Variants in FBXO31 observed in about 807,000 individuals in gnomAD.
FBXO31 encodes the protein F-box only protein 31.
A neutral mutation model predicts 54.4 loss-of-function variants in FBXO31; 24 were observed. The observed-to-expected ratio is 0.44, with a 90% CI of 0.32 to 0.62. The LOEUF is 0.62. Among genes scored for constraint, FBXO31 ranks in the 20% least tolerant of loss-of-function variants. The pLI is 0.05. For missense variants in FBXO31, 665 were observed against 787.1 expected (o/e 0.84, Z 1.86); for synonymous variants, 388 against 335.6 (o/e 1.16, Z -1.71).
chr16:87,389,507 AT>A (rs1333595806), intron 1 of FBXO31: 2 of 152,212 alleles, frequency 1.3e-5, no homozygotes, highest in African/African-American at 4.8e-5. Context: ...CCATCTCCAT[AT>A]GCCAGATATC....
At chr16:87,352,110 T>C (rs1905688548) in intron 2 of FBXO31, among the ~76,000 whole-genome samples, 1 of 152,130 alleles carries the variant, frequency 6.6e-6, no homozygotes, top group South Asian at 2.1e-4. Flanking sequence ...AGCAGCTCAG[T>C]GCAATTTAAT....
rs781766690 is a variant in FBXO31, at chr16:87,335,824, G to A, written c.842+331C>T. On this transcript the variant is annotated intron_variant, in intron 6 of 8. Transcript: ENST00000311635. The surrounding 1 kb of genome is among the most constrained non-coding windows in gnomAD (Gnocchi z 5.7). Reference sequence around the variant, plus strand: ...AGCGGGGCTGAGCTCTAGAGTGCCAGTGTTGGCAGGGGTGACAGGAAATCA... The same window carrying A: ...AGCGGGGCTGAGCTCTAGAGTGCCAATGTTGGCAGGGGTGACAGGAAATCA... 6.6e-6 allele frequency among the ~76,000 whole-genome samples: 1 copy of A among 152,190 alleles called. No homozygotes were observed. Among genetic ancestry groups the A allele is most frequent in the Non-Finnish European group, 1.5e-5 (1 of 68,014 alleles).
intron 1 of FBXO31, among the ~76,000 whole-genome samples, chr16:87,376,666 G>T (rs890882293): frequency 1.3e-5 from 2 of 152,186 alleles, no homozygotes; most frequent in Non-Finnish European, 2.9e-5. Flanking sequence ...GGTAAACACA[G>T]AAATCAGCCT....
In FBXO31 at chr16:87,327,706, AT is replaced by A. The variant is rs1437493395; in HGVS notation, c.*3581del. The A allele has an allele frequency of 1.3e-5, 2 of 152,432 alleles. No homozygotes were observed. The highest frequency in any genetic ancestry group is 3.9e-4 in the East Asian group (2 of 5,178). The allele number at this position is 152,432 out of a possible 1,614,324, so 9.4% of individuals were successfully genotyped here. ...CGCATGGAGACTATCTGCTGCTTGC[AT>A]CTTCTCTAAATAATTACGGGGATGA... is the stretch of plus-strand genomic sequence containing the variant. On this transcript the variant is annotated 3_prime_UTR_variant, in exon 9 of 9. Transcript: ENST00000311635.
chr16:87,355,874 G>A (rs968176971), intron 2 of FBXO31, among the ~76,000 whole-genome samples: 7 of 152,156 alleles, frequency 4.6e-5, no homozygotes, highest in Non-Finnish European at 1.0e-4. Flanking sequence ...CCCCAGCTGC[G>A]CGGCCTCCCC....
In FBXO31 at chr16:87,329,040, A is replaced by G. The variant is rs1904747834; in HGVS notation, c.*2248T>C. The G allele has an allele frequency of 6.6e-6, 1 of 152,278 alleles. No homozygotes were observed. Among genetic ancestry groups the G allele is most frequent in the African/African-American group, 2.4e-5 (1 of 41,470 alleles). 9.4% of individuals were successfully genotyped at this position (152,278 alleles called of 1,614,324 possible). A position where few individuals can be genotyped will look rare whatever the true frequency, so the allele number is the denominator to read the frequency against. ...GGGAAGCTGCTGTTTTGAGGCGCGC[A>G]GATTCAGTGCCTGTCCCTACAGAAC... On this transcript the variant is annotated 3_prime_UTR_variant, in exon 9 of 9. Coordinates refer to ENST00000311635, the MANE Select transcript of FBXO31 (RefSeq NM_024735.5).
intron 8 of FBXO31, among the ~76,000 whole-genome samples, chr16:87,333,369 G>T (rs1024024830): frequency 1.3e-5 from 2 of 152,216 alleles, no homozygotes; most frequent in African/African-American, 4.8e-5. Flanking sequence ...AGGAGGGAGG[G>T]GGCAGGAAAG....
rs1185525383 is a variant in FBXO31 at position 87,346,717 on chromosome 16, A to G, written c.489+457T>C. Reference sequence around the variant, plus strand: ...GTCAGAGCAGGGCTTTCCGTTCGAGAGGCTCCAGTAGGAGGGCACAGGGGG... The same window carrying G: ...GTCAGAGCAGGGCTTTCCGTTCGAGGGGCTCCAGTAGGAGGGCACAGGGGG... On this transcript the variant is annotated intron_variant, in intron 3 of 8. Transcript: ENST00000311635. The surrounding 1 kb of genome is among the most constrained non-coding windows in gnomAD (Gnocchi z 4.2). Among the ~76,000 whole-genome samples the G allele has an allele frequency of 6.6e-6, 1 of 152,212 alleles. No homozygotes were observed. Among genetic ancestry groups the G allele is most frequent in the Non-Finnish European group, 1.5e-5 (1 of 68,034 alleles).
rs907643769 is a variant in FBXO31, at chr16:87,358,925, C to G, written c.412+1370G>C. Among the ~76,000 whole-genome samples the G allele has an allele frequency of 2.6e-5, 4 of 152,140 alleles. No individual in the cohort carries two copies. Among genetic ancestry groups the G allele is most frequent in the African/African-American group, 9.7e-5 (4 of 41,432 alleles). Reference sequence around the variant, plus strand: ...TTGCCCAGCACCCACCTGGCGTTTCCCAGCCTGCTAACTCAGGCCAGCCTC... The same window carrying G: ...TTGCCCAGCACCCACCTGGCGTTTCGCAGCCTGCTAACTCAGGCCAGCCTC... On this transcript the variant is annotated intron_variant, in intron 2 of 8. Coordinates refer to ENST00000311635, the MANE Select transcript of FBXO31 (RefSeq NM_024735.5). This position sits in a 1 kb window ranked among gnomAD's most constrained non-coding sequence, Gnocchi z 4.0.
At chr16:87,340,406 C>G (rs1905155627) in intron 5 of FBXO31, among the ~76,000 whole-genome samples, 1 of 152,220 alleles carries the variant, frequency 6.6e-6, no homozygotes, top group Admixed American at 6.5e-5. Context: ...AGGACAAAAG[C>G]AGCGCTACAA....
upstream of FBXO31, among the ~76,000 whole-genome samples, chr16:87,390,888 C>G (rs190425835): frequency 1.3e-3 from 199 of 152,214 alleles, no homozygotes; most frequent in African/African-American, 4.7e-3. Context: ...TTGGAGCCAC[C>G]GCCCCCCGCT....
intron 1 of FBXO31, among the ~76,000 whole-genome samples, chr16:87,371,896 A>AT (rs10589680): frequency 2.3e-4 from 34 of 148,484 alleles, no homozygotes; most frequent in African/African-American, 4.7e-4. Context: ...TTGTTTTTAA[A>AT]TTTTTTTTTT....
In FBXO31 at chr16:87,345,278, C is replaced by G. The variant is rs961666297; in HGVS notation, c.490-1513G>C. ...TGCCCAGAGCTCAACAAAGTCAGGG[C>G]GGGGCTTTCCGGAAAGTTCAAGAGG... On this transcript the variant is annotated intron_variant, in intron 3 of 8. Transcript: ENST00000311635. The surrounding 1 kb of genome is among the most constrained non-coding windows in gnomAD (Gnocchi z 4.9). Among the ~76,000 whole-genome samples the G allele has an allele frequency of 7.4e-6, 1 of 135,746 alleles. No individual in the cohort carries two copies. The highest frequency in any genetic ancestry group is 1.6e-5 in the Non-Finnish European group (1 of 64,374). The allele number at this position is 135,746 out of a possible 152,430, so 89.1% of individuals were successfully genotyped here. A position where few individuals can be genotyped will look rare whatever the true frequency, so the allele number is the denominator to read the frequency against.
At position 87,346,132 on chromosome 16, in the gene FBXO31, G is replaced by A. The variant is rs1329951680; in HGVS notation, c.489+1042C>T. Among the ~76,000 whole-genome samples, 2 of 152,230 alleles carry A rather than the reference G, an allele frequency of 1.3e-5. No individual in the cohort carries two copies. Among genetic ancestry groups the A allele is most frequent in the Non-Finnish European group, 2.9e-5 (2 of 68,028 alleles). On this transcript the variant is annotated intron_variant, in intron 3 of 8. Transcript: ENST00000311635. This position sits in a 1 kb window ranked among gnomAD's most constrained non-coding sequence, Gnocchi z 4.2. ...GGACGGCCTCCGGCTGGGCCCTACA[G>A]AGGGTTGTGTCCTGGGAAGGAGAGA...
intron 5 of FBXO31, among the ~76,000 whole-genome samples, chr16:87,337,337 T>C (rs999048366): frequency 6.6e-6 from 1 of 152,220 alleles, no homozygotes; most frequent in Non-Finnish European, 1.5e-5. Context: ...GGACCCATCT[T>C]GGCCTCATTC....
intron 5 of FBXO31, among the ~76,000 whole-genome samples, chr16:87,341,707 C>T (rs369240584): frequency 2.0e-5 from 3 of 148,672 alleles, no homozygotes; most frequent in East Asian, 2.0e-4. Context: ...CACACACATA[C>T]GTTGTGTTTC....
upstream of FBXO31, among the ~76,000 whole-genome samples, chr16:87,385,033 A>G (rs1036195489): frequency 3.3e-5 from 5 of 151,192 alleles, no homozygotes; most frequent in African/African-American, 7.3e-5. Context: ...CAAACAAACC[A>G]CACAGGCCAG....
At chr16:87,347,548 C>T (rs1381999664) in intron 2 of FBXO31, among the ~76,000 whole-genome samples, 4 of 151,908 alleles carry the variant, frequency 2.6e-5, no homozygotes, top group East Asian at 1.9e-4. Flanking sequence ...GGTGTGGTGG[C>T]GGGTGCCTGT....
At chr16:87,360,611 A>G (rs989529141) in intron 1 of FBXO31, among the ~76,000 whole-genome samples, 8 of 152,386 alleles carry the variant, frequency 5.2e-5, no homozygotes, top group Admixed American at 2.0e-4. Flanking sequence ...TGCAATGTCT[A>G]TTCTAATAAG....
Sources: gnomAD v4.1 joint callset for allele counts (sites outside exome capture counted in the v4.1 genomes callset) on GRCh38, gnomAD v4.1.1 for gene constraint, Gnocchi (gnomAD v3.1) non-coding constraint, MANE v1.5 for transcripts, NCBI Gene and HGNC (gene_info 2026-07-23, HGNC 2026-07-21) for gene names.